Variants in KCTD16 observed in about 807,000 individuals in gnomAD.
KCTD16 encodes potassium channel tetramerization domain containing 16.
Under a neutral mutation model 33.2 loss-of-function variants are expected in KCTD16, and 13 were observed. The observed-to-expected ratio is 0.39, with a 90% confidence interval of 0.25 to 0.62. The LOEUF (loss-of-function observed/expected upper bound fraction) is 0.62. KCTD16 is among the 20% of genes least tolerant of loss of function. The pLI is 0.50. For missense variants in KCTD16, 441 were observed against 525.1 expected (o/e 0.84, Z 1.57); for synonymous variants, 197 against 195.3 (o/e 1.01, Z -0.07).
chr5:144,320,482 A>G (rs1580870359), intron 3 of KCTD16, among the ~76,000 whole-genome samples: 1 of 152,172 alleles, frequency 6.6e-6, no homozygotes, highest in African/African-American at 2.4e-5. Context: ...ATGGGTTTAC[A>G]TGGTTCACAT....
chr5:144,171,559 T>A (rs1752383556), intron 1 of KCTD16, among the ~76,000 whole-genome samples: 1 of 152,174 alleles, frequency 6.6e-6, no homozygotes, highest in South Asian at 2.1e-4. Flanking sequence ...TAGATGCCAG[T>A]ACTCCCCCCA....
At position 144,206,673 on chromosome 5, in the gene KCTD16, T is replaced by C; in HGVS notation, c.-42T>C. ...GGATAAGGCTGTGACTCCATTGGAT[T>C]GCACCTTTAAATCAAAATAGCAGCA... On this transcript the variant is annotated 5_prime_UTR_variant, in exon 3 of 4. Transcript: ENST00000512467. 3 of 1,526,770 alleles carry C rather than the reference T, an allele frequency of 2.0e-6. No homozygotes were observed. Among genetic ancestry groups the C allele is most frequent in the African/African-American group, 1.4e-5 (1 of 73,030 alleles). The allele number at this position is 1,526,770 out of a possible 1,614,324, so 94.6% of individuals were successfully genotyped here.
chr5:144,251,738 A>G (rs1416042000), intron 3 of KCTD16, among the ~76,000 whole-genome samples: 1 of 152,220 alleles, frequency 6.6e-6, no homozygotes, highest in Non-Finnish European at 1.5e-5. Flanking sequence ...CAATTTATAT[A>G]TACAGGCATG....
chr5:144,323,623 ATG>A (rs1752131248), intron 3 of KCTD16, among the ~76,000 whole-genome samples: 1 of 152,184 alleles, frequency 6.6e-6, no homozygotes, highest in Non-Finnish European at 1.5e-5. Context: ...GGGAAAGTCC[ATG>A]GAAAGTACAA....
intron 3 of KCTD16, among the ~76,000 whole-genome samples, chr5:144,418,033 G>A (rs1034623194): frequency 6.6e-6 from 1 of 152,136 alleles, no homozygotes; most frequent in Non-Finnish European, 1.5e-5. Context: ...CTGACTTCAG[G>A]TGTGAAGCCA....
At chr5:144,313,201 A>T (rs1751811653) in intron 3 of KCTD16, among the ~76,000 whole-genome samples, 1 of 152,172 alleles carries the variant, frequency 6.6e-6, no homozygotes, top group Non-Finnish European at 1.5e-5. Flanking sequence ...GATATGAGAG[A>T]TCAGTATAAA....
At chr5:144,184,840 C>T (rs1580772887) in intron 2 of KCTD16, among the ~76,000 whole-genome samples, 1 of 152,142 alleles carries the variant, frequency 6.6e-6, no homozygotes, top group South Asian at 2.1e-4. Context: ...TATTCAAGCC[C>T]TTTGCTACAA....
At chr5:144,297,851 C>T (rs1416228965) in intron 3 of KCTD16, among the ~76,000 whole-genome samples, 1 of 152,228 alleles carries the variant, frequency 6.6e-6, no homozygotes, top group East Asian at 1.9e-4. Flanking sequence ...CTCTTTTGGT[C>T]CCCTCCCTTT....
At chr5:144,473,233 G>C (rs1754516569) in intron 3 of KCTD16, among the ~76,000 whole-genome samples, 1 of 152,110 alleles carries the variant, frequency 6.6e-6, no homozygotes. Flanking sequence ...ATTGAAAGCT[G>C]ACTGTGAGAG....
intron 3 of KCTD16, among the ~76,000 whole-genome samples, chr5:144,451,274 G>A (rs375553356): frequency 6.6e-6 from 1 of 152,204 alleles, no homozygotes; most frequent in Non-Finnish European, 1.5e-5. Flanking sequence ...AAAAAGTGGA[G>A]TAGTCAATTT....
chr5:144,267,006 A>G (rs1005372816), intron 3 of KCTD16, among the ~76,000 whole-genome samples: 1 of 152,114 alleles, frequency 6.6e-6, no homozygotes, highest in South Asian at 2.1e-4. Flanking sequence ...GTTTATATAT[A>G]TTTTTTTCCT....
At chr5:144,182,418 A>G (rs1752645073) in intron 2 of KCTD16, among the ~76,000 whole-genome samples, 1 of 152,232 alleles carries the variant, frequency 6.6e-6, no homozygotes, top group African/African-American at 2.4e-5. Flanking sequence ...GCAAACAGAG[A>G]AACAAAGCCC....
chr5:144,176,786 GATAT>G (rs1752520862), intron 2 of KCTD16, among the ~76,000 whole-genome samples: 1 of 152,186 alleles, frequency 6.6e-6, no homozygotes, highest in Non-Finnish European at 1.5e-5. Context: ...CTGCAAGCGT[GATAT>G]ATTATGGTTT....
At chr5:144,383,919 C>T (rs985843127) in intron 3 of KCTD16, among the ~76,000 whole-genome samples, 1 of 152,142 alleles carries the variant, frequency 6.6e-6, no homozygotes, top group Non-Finnish European at 1.5e-5. Context: ...ACGTAAGAAT[C>T]TATTCATTAA....
chr5:144,324,337 G>C (rs1424394644), intron 3 of KCTD16, among the ~76,000 whole-genome samples: 2 of 152,114 alleles, frequency 1.3e-5, no homozygotes, highest in East Asian at 1.9e-4. Flanking sequence ...AATTCACCAA[G>C]AAGGCTTTAG....
chr5:144,247,228 T>A (rs762500835), intron 3 of KCTD16, among the ~76,000 whole-genome samples: 1 of 152,348 alleles, frequency 6.6e-6, no homozygotes, highest in South Asian at 2.1e-4. Context: ...ATGGAAATGA[T>A]GACTATGACT....
intron 3 of KCTD16, among the ~76,000 whole-genome samples, chr5:144,330,415 A>G (rs1752329850): frequency 3.6e-5 from 3 of 84,114 alleles, no homozygotes; most frequent in Non-Finnish European, 9.0e-5. Flanking sequence ...CTCCATCAAA[A>G]AAAAAAAAAA....
Position 144,206,632 on chromosome 5 carries a change from T to C in KCTD16, c.-83T>C. ...TAAGTTAGCATCCTTTTCCCTTTCT[T>C]ACAAGTTGATCCAAAGGATAAGGCT... is the stretch of plus-strand genomic sequence containing the variant. On this transcript the variant is annotated 5_prime_UTR_variant, in exon 3 of 4. Coordinates refer to ENST00000512467, the MANE Select transcript of KCTD16 (RefSeq NM_020768.4). 1 of 1,194,832 alleles carries C rather than the reference T, an allele frequency of 8.4e-7. No homozygotes were observed. Among genetic ancestry groups the C allele is most frequent in the Admixed American group, 2.3e-5 (1 of 43,956 alleles). The allele number at this position is 1,194,832 out of a possible 1,614,324, so 74.0% of individuals were successfully genotyped here.
chr5:144,418,054 CAGTG>C (rs1401671595), intron 3 of KCTD16, among the ~76,000 whole-genome samples: 1 of 152,124 alleles, frequency 6.6e-6, no homozygotes, highest in African/African-American at 2.4e-5. Flanking sequence ...CAGACCTTGG[CAGTG>C]AGTATTACAG....
Sources: allele counts gnomAD v4.1 joint callset (sites outside exome capture counted in the v4.1 genomes callset), GRCh38; gene constraint gnomAD v4.1.1; transcripts MANE v1.5; gene names NCBI Gene and HGNC (gene_info 2026-07-23, HGNC 2026-07-21).